Variants in SNTG1 observed in about 807,000 individuals in gnomAD.
SNTG1 encodes the protein gamma-1-syntrophin.
SNTG1 carries 39 observed loss-of-function variants against 74.7 expected under a neutral mutation model. That is an observed-to-expected ratio of 0.52 (90% CI 0.40 to 0.68). The LOEUF (loss-of-function observed/expected upper bound fraction) is 0.68. Ranked by LOEUF, SNTG1 falls within the 30% of genes least tolerant of loss-of-function variation. The probability of loss-of-function intolerance (pLI) is 0.00; values close to 1 mark genes in which losing one functional copy is unlikely to be tolerated. For missense variants in SNTG1, 685 were observed against 609.5 expected, an observed-to-expected ratio of 1.12 and a Z score of -1.30; for synonymous variants, 254 against 217.1, an observed-to-expected ratio of 1.17 and a Z score of -1.49.
At chr8:50,746,674 A>T (rs1461305034) in intron 17 of SNTG1, among the ~76,000 whole-genome samples, 1 of 151,678 alleles carries the variant, frequency 6.6e-6, no homozygotes, top group African/African-American at 2.4e-5. Context: ...TAATCTGCTG[A>T]TATTAGTTTA....
At chr8:50,280,420 C>T (rs1457751290) in intron 2 of SNTG1, among the ~76,000 whole-genome samples, 1 of 152,118 alleles carries the variant, frequency 6.6e-6, no homozygotes, top group Admixed American at 6.6e-5. Context: ...ACCTACATAG[C>T]TGTAAACAAA....
intron 3 of SNTG1, among the ~76,000 whole-genome samples, chr8:50,400,825 T>C (rs2092794158): frequency 6.6e-6 from 1 of 152,088 alleles, no homozygotes; most frequent in African/African-American, 2.4e-5. Context: ...TCGGGAGATG[T>C]TGGAGAACAG....
Position 50,164,795 on chromosome 8 carries a change from A to G in SNTG1, c.-102-7766A>G, listed in dbSNP as rs572120803. ...TTTGGAAAAAATATTATCTCCAACT[A>G]TGAATTCTACTGTTAAATACTTATT... On this transcript the variant is annotated intron_variant, in intron 1 of 18. Coordinates refer to ENST00000642720, the MANE Select transcript of SNTG1 (RefSeq NM_018967.5). Among the ~76,000 whole-genome samples the G allele has an allele frequency of 7.0e-4, 107 of 152,312 alleles. 1 individual carries two copies. Among genetic ancestry groups the G allele is most frequent in the Middle Eastern group, 3.4e-3 (1 of 294 alleles).
chr8:50,537,554 T>A (rs950747243), intron 11 of SNTG1, among the ~76,000 whole-genome samples: 9 of 152,172 alleles, frequency 5.9e-5, no homozygotes, highest in African/African-American at 2.2e-4. Flanking sequence ...TACATTTTGT[T>A]GATTTTTTAA....
chr8:50,264,284 T>A (rs1251701226), intron 2 of SNTG1, among the ~76,000 whole-genome samples: 5 of 151,946 alleles, frequency 3.3e-5, no homozygotes, highest in Non-Finnish European at 7.4e-5. Flanking sequence ...AACCAGAAAA[T>A]GCACTGGGTG....
chr8:50,008,775 A>G (rs1815490282), intron 1 of SNTG1, among the ~76,000 whole-genome samples: 1 of 152,208 alleles, frequency 6.6e-6, no homozygotes. Context: ...ATTTATTAGA[A>G]CAAGTAAATT....
At chr8:50,400,853 G>A (rs905740264) in intron 3 of SNTG1, among the ~76,000 whole-genome samples, 1 of 152,156 alleles carries the variant, frequency 6.6e-6, no homozygotes, top group Non-Finnish European at 1.5e-5. Flanking sequence ...GTTACAGTCA[G>A]ATGGGAGGAA....
At chr8:50,683,239 G>C (rs1428941987) in intron 15 of SNTG1, among the ~76,000 whole-genome samples, 1 of 152,182 alleles carries the variant, frequency 6.6e-6, no homozygotes, top group African/African-American at 2.4e-5. Flanking sequence ...TGAAATAGTA[G>C]TGAGTAGTGA....
At chr8:50,517,094 G>A (rs1050363338) in intron 9 of SNTG1, among the ~76,000 whole-genome samples, 1 of 152,208 alleles carries the variant, frequency 6.6e-6, no homozygotes, top group Non-Finnish European at 1.5e-5. Flanking sequence ...AACAGCAGAT[G>A]TCTCCGCAGA....
chr8:50,657,978 G>T (rs2131274286), intron 14 of SNTG1, among the ~76,000 whole-genome samples: 1 of 152,170 alleles, frequency 6.6e-6, no homozygotes, highest in African/African-American at 2.4e-5. Context: ...GGTCTAACTT[G>T]CTGCTGTTTT....
At chr8:50,369,102 T>G (rs2092202604) in intron 2 of SNTG1, among the ~76,000 whole-genome samples, 1 of 152,154 alleles carries the variant, frequency 6.6e-6, no homozygotes, top group African/African-American at 2.4e-5. Flanking sequence ...TGAATGTATT[T>G]TGCATGTGAT....
chr8:50,093,490 G>A (rs2079816453), intron 1 of SNTG1, among the ~76,000 whole-genome samples: 1 of 152,088 alleles, frequency 6.6e-6, no homozygotes, highest in Non-Finnish European at 1.5e-5. Flanking sequence ...AGCCACTCCT[G>A]AGTGGTTTCT....
intron 2 of SNTG1, among the ~76,000 whole-genome samples, chr8:50,354,439 A>G (rs1381211407): frequency 6.6e-6 from 1 of 152,126 alleles, no homozygotes; most frequent in African/African-American, 2.4e-5. Flanking sequence ...CTTTTTTGGT[A>G]TGGGATAACA....
chr8:50,597,370 T>TACATATATACAC (rs1563627827), intron 13 of SNTG1, among the ~76,000 whole-genome samples: 1 of 139,050 alleles, frequency 7.2e-6, no homozygotes, highest in Non-Finnish European at 1.6e-5. Context: ...CACATATACA[T>TACATATATACAC]GTATATATAC....
At chr8:50,495,864 A>T (rs2093899237) in intron 8 of SNTG1, among the ~76,000 whole-genome samples, 1 of 152,104 alleles carries the variant, frequency 6.6e-6, no homozygotes, top group Non-Finnish European at 1.5e-5. Flanking sequence ...AGACACACAA[A>T]TGGCAGGAGG....
chr8:50,408,244 T>C (rs2092904467), intron 4 of SNTG1, among the ~76,000 whole-genome samples: 1 of 146,354 alleles, frequency 6.8e-6, no homozygotes, highest in South Asian at 2.2e-4. Context: ...AAGCGACTAT[T>C]ATCATCCTTG....
intron 2 of SNTG1, among the ~76,000 whole-genome samples, chr8:50,358,119 T>C (rs1587297035): frequency 6.6e-6 from 1 of 152,150 alleles, no homozygotes; most frequent in South Asian, 2.1e-4. Flanking sequence ...CTGTGCTGGG[T>C]GCTAGGAATA....
intron 1 of SNTG1, among the ~76,000 whole-genome samples, chr8:50,028,565 T>C (rs1187505609): frequency 1.3e-5 from 2 of 149,968 alleles, no homozygotes; most frequent in African/African-American, 4.9e-5. Flanking sequence ...ACCGTTTTAC[T>C]CCTCTACCAA....
At chr8:50,538,646 C>T (rs1214295495) in intron 11 of SNTG1, among the ~76,000 whole-genome samples, 10 of 151,806 alleles carry the variant, frequency 6.6e-5, no homozygotes, top group East Asian at 5.8e-4. Context: ...CTAATTATGA[C>T]GTATGTTGGC....
Sources: allele counts gnomAD v4.1 joint callset (sites outside exome capture counted in the v4.1 genomes callset), GRCh38; gene constraint gnomAD v4.1.1; transcripts MANE v1.5; gene names NCBI Gene and HGNC (gene_info 2026-07-23, HGNC 2026-07-21).